The following TRPV1 variants were observed in gnomAD, a reference collection of about 807,000 sequenced individuals.
TRPV1 encodes the protein transient receptor potential cation channel subfamily V member 1, also known as OTRPC1.
TRPV1 carries 82 observed loss-of-function variants against 82.3 expected under a neutral mutation model. The observed-to-expected ratio is 1.00, with a 90% CI of 0.83 to 1.20. The LOEUF (loss-of-function observed/expected upper bound fraction) is 1.20. Ranked by LOEUF, TRPV1 falls within the 50% of genes most tolerant of loss-of-function variation. The pLI is 0.00. For missense variants in TRPV1, 1,067 were observed against 1,096.8 expected (o/e 0.97, Z 0.38); for synonymous variants, 515 against 467.7 (o/e 1.10, Z -1.30).
chr17:3,581,116 T>C (rs2075003762), intron 10 of TRPV1, among the ~76,000 whole-genome samples: 1 of 151,812 alleles, frequency 6.6e-6, no homozygotes, highest in Non-Finnish European at 1.5e-5. Flanking sequence ...TGTATTGAAT[T>C]GGGCAAATTG....
intron 2 of TRPV1, chr17:3,602,164 T>C (rs897744743): frequency 1.1e-4 from 16 of 152,234 alleles, no homozygotes; most frequent in African/African-American, 3.6e-4. Flanking sequence ...CGAAGGACAG[T>C]GACAGCTCTA....
At chr17:3,593,133 T>C (rs1278580236) in intron 2 of TRPV1, among the ~76,000 whole-genome samples, 1 of 35,740 alleles carries the variant, frequency 2.8e-5, no homozygotes, top group Non-Finnish European at 5.0e-5. Flanking sequence ...TGTGTGTGTG[T>C]GTGTCTGTGT....
chr17:3,569,983 A>C (rs2074829138), intron 16 of TRPV1, among the ~76,000 whole-genome samples: 3 of 136,152 alleles, frequency 2.2e-5, no homozygotes, highest in Non-Finnish European at 3.0e-5. Flanking sequence ...GGAGGGGCCA[A>C]GCGGTCAGGG....
chr17:3,607,688 C>T (rs2075305650), intron 2 of TRPV1, among the ~76,000 whole-genome samples: 1 of 151,740 alleles, frequency 6.6e-6, no homozygotes, highest in South Asian at 2.1e-4. Flanking sequence ...AGGCGCGTGC[C>T]ATCATGCCCA....
intron 6 of TRPV1, 64 bp downstream of exon 6, chr17:3,590,188 C>G (rs1297228732): frequency 6.3e-7 from 1 of 1,596,078 alleles, no homozygotes; most frequent in Non-Finnish European, 8.6e-7. Context: ...CTCCCTCTGT[C>G]TCTGCCCAAA....
chr17:3,577,395 G>A (rs1345144338), intron 12 of TRPV1, among the ~76,000 whole-genome samples: 1 of 152,184 alleles, frequency 6.6e-6, no homozygotes, highest in African/African-American at 2.4e-5. Context: ...GGCCTGGTGT[G>A]CAGGGGGGGT....
chr17:3,589,994 T>C lies in TRPV1; in HGVS notation c.857A>G (p.Asn286Ser), dbSNP rs1030979224. 2 of 1,560,628 alleles carry C rather than the reference T, an allele frequency of 1.3e-6. No individual in the cohort carries two copies. The highest frequency in any genetic ancestry group is 1.4e-5 in the African/African-American group (1 of 73,480). ...CTCCACCAGGGCGTGCAGCACCGTGTTGCCCACCGAGTCCCTGGCGCTGAT... is the reference window on the plus strand; with the variant it reads ...CTCCACCAGGGCGTGCAGCACCGTGCTGCCCACCGAGTCCCTGGCGCTGAT... ...ADISARDSVG[N>S]TVLHALVEVA... The change falls in exon 7 of 17, where the codon AAC (asparagine) becomes AGC (serine). Residue 286 changes from asparagine to serine, a missense_variant. Transcript: ENST00000572705.
Position 3,589,818 on chromosome 17 carries a change from C to T in TRPV1, c.1033G>A (p.Gly345Arg), listed in dbSNP as rs200550425. The T allele has an allele frequency of 5.9e-5, 95 of 1,612,056 alleles. No individual in the cohort carries two copies. Among genetic ancestry groups the T allele is most frequent in the Admixed American group, 4.2e-4 (25 of 59,954 alleles). The change falls in exon 7 of 17, where the codon GGG becomes AGG. Residue 345 changes from glycine to arginine, a missense_variant. By Grantham distance (125) the Gly-to-Arg change is moderately radical. Transcript: ENST00000572705. Reference protein sequence around the residue: ...MTPLALAAGTGKIGVLAYILQ... With the variant: ...MTPLALAAGTRKIGVLAYILQ... The stretch of plus-strand genomic sequence containing the variant: ...AAGCCCCCTCTTACCCCGATCTTCC[C>T]GGTCCCAGCTGCCAGAGCCAGCGGC...
intron 9 of TRPV1, among the ~76,000 whole-genome samples, chr17:3,584,402 C>CAAGAAAAAAAAAAAAA (rs2075057678): frequency 6.0e-5 from 1 of 16,746 alleles, no homozygotes; most frequent in African/African-American, 2.3e-4. Flanking sequence ...GACTCTGTCT[C>CAAGAAAAAAAAAAAAA]AAAAAAAAAA....
chr17:3,570,757 C>A (rs943096266), intron 16 of TRPV1, among the ~76,000 whole-genome samples: 1 of 152,004 alleles, frequency 6.6e-6, no homozygotes, highest in African/African-American at 2.4e-5. Flanking sequence ...TCTGTTGCCC[C>A]GGCTGGAGTG....
At chr17:3,588,397 G>C (rs989065223) in intron 7 of TRPV1, 30 bp from the exon 8 acceptor site, 1 of 1,547,148 alleles carries the variant, frequency 6.5e-7, no homozygotes, top group Admixed American at 2.0e-5. Flanking sequence ...GCCCGTCAGA[G>C]GCCAGCCCCA....
intron 2 of TRPV1, among the ~76,000 whole-genome samples, chr17:3,594,021 G>C (rs1044601928): frequency 3.3e-5 from 5 of 151,302 alleles, no homozygotes; most frequent in Non-Finnish European, 7.4e-5. Flanking sequence ...CCAGCTACTC[G>C]GGAGGCTGAG....
chr17:3,603,849 G>C (rs2075280273), intron 2 of TRPV1, among the ~76,000 whole-genome samples: 1 of 152,184 alleles, frequency 6.6e-6, no homozygotes, highest in African/African-American at 2.4e-5. Context: ...TGAGGGGAGA[G>C]GCCAGGTGAG....
At chr17:3,576,840 C>T (rs1379671678) in intron 13 of TRPV1, among the ~76,000 whole-genome samples, 1 of 128,358 alleles carries the variant, frequency 7.8e-6, no homozygotes, top group East Asian at 2.2e-4. Context: ...CAGAGTGAGA[C>T]TCCATCTCAA....
At chr17:3,601,229 C>T (rs957921649) in intron 2 of TRPV1, among the ~76,000 whole-genome samples, 8 of 152,056 alleles carry the variant, frequency 5.3e-5, no homozygotes, top group Non-Finnish European at 1.2e-4. Context: ...CTGGGAGCCC[C>T]TTCTTCTCAC....
At chr17:3,586,535 G>A (rs1013851257) in intron 8 of TRPV1, among the ~76,000 whole-genome samples, 2 of 152,268 alleles carry the variant, frequency 1.3e-5, no homozygotes, top group Non-Finnish European at 2.9e-5. Context: ...ACTCTGGGAG[G>A]CCGAGGCAGG....
Position 3,585,916 on chromosome 17 carries a change from T to C in TRPV1, c.1235A>G (p.Asp412Gly). 4.3e-6 allele frequency: 7 copies of C among 1,613,484 alleles called. No homozygotes were observed. Among genetic ancestry groups the C allele is most frequent in the Non-Finnish European group, 5.9e-6 (7 of 1,179,748 alleles). ...YSSSETPNRH[D>G]MLLVEPLNRL... ...GTTCAGCGGCTCCACCAAGAGCATGTCGTGGCGATTCTAGGGGGTGGGGAG... is the reference window on the plus strand; with the variant it reads ...GTTCAGCGGCTCCACCAAGAGCATGCCGTGGCGATTCTAGGGGGTGGGGAG... The change falls in exon 9 of 17, where the codon GAC becomes GGC. Residue 412 changes from aspartate to glycine, a missense_variant. Transcript: ENST00000572705.
At chr17:3,590,831 T>G in intron 5 of TRPV1, 133 bp downstream of exon 5, 1 of 1,279,372 alleles carries the variant, frequency 7.8e-7, no homozygotes, top group Non-Finnish European at 1.0e-6. Flanking sequence ...CCCCTAGGAT[T>G]AGGAGCCACC....
intron 14 of TRPV1, among the ~76,000 whole-genome samples, chr17:3,572,765 C>G (rs2074871546): frequency 6.6e-6 from 1 of 152,170 alleles, no homozygotes; most frequent in African/African-American, 2.4e-5. Context: ...GGCAGATCAC[C>G]TGAGGTCAGG....
Sources: gnomAD v4.1 joint callset for allele counts (sites outside exome capture counted in the v4.1 genomes callset) on GRCh38, gnomAD v4.1.1 for gene constraint, MANE v1.5 for transcripts, NCBI Gene and HGNC (gene_info 2026-07-23, HGNC 2026-07-21) for gene names.